Variants in GALNTL6 observed in about 807,000 individuals in gnomAD.
GALNTL6 encodes polypeptide N-acetylgalactosaminyltransferase-like 6.
In GALNTL6, 46 loss-of-function variants were observed where a neutral mutation model predicts 73.7. The observed-to-expected ratio is 0.62, with a 90% CI of 0.49 to 0.80. GALNTL6 has a LOEUF of 0.80. GALNTL6 is among the 30% of genes least tolerant of loss of function. GALNTL6 has a pLI of 0.00. For synonymous variants in GALNTL6, 259 were observed against 263.7 expected (o/e 0.98, Z 0.17); for missense variants, 604 against 755.0 (o/e 0.80, Z 2.34).
At chr4:172,051,907 A>G (rs1046123622) in intron 2 of GALNTL6, among the ~76,000 whole-genome samples, 26 of 152,108 alleles carry the variant, frequency 1.7e-4, no homozygotes, top group African/African-American at 5.6e-4. Flanking sequence ...CTTTGGGCCA[A>G]AGGGTGTATA....
chr4:172,185,935 A>G (rs1033307529), intron 2 of GALNTL6, among the ~76,000 whole-genome samples: 1 of 152,206 alleles, frequency 6.6e-6, no homozygotes, highest in Admixed American at 6.5e-5. Flanking sequence ...AAAAATTGCA[A>G]TTTCTCAGAA....
intron 5 of GALNTL6, among the ~76,000 whole-genome samples, chr4:172,475,471 G>A (rs893126376): frequency 3.9e-5 from 6 of 152,024 alleles, no homozygotes; most frequent in African/African-American, 1.4e-4. Context: ...GAGTGGACAG[G>A]TGCAGTATTA....
At chr4:172,795,155 G>C (rs1166759073) in intron 5 of GALNTL6, among the ~76,000 whole-genome samples, 1 of 152,164 alleles carries the variant, frequency 6.6e-6, no homozygotes, top group South Asian at 2.1e-4. Context: ...AGGAGAGAGA[G>C]ATTGCAACAC....
At chr4:172,782,607 C>A (rs2110901557) in intron 5 of GALNTL6, among the ~76,000 whole-genome samples, 1 of 152,210 alleles carries the variant, frequency 6.6e-6, no homozygotes, top group South Asian at 2.1e-4. Context: ...CAACCCCCAC[C>A]AATTTCCTTT....
At chr4:172,279,003 T>C (rs1010273676) in intron 3 of GALNTL6, among the ~76,000 whole-genome samples, 1 of 152,034 alleles carries the variant, frequency 6.6e-6, no homozygotes, top group East Asian at 1.9e-4. Flanking sequence ...TTTGGGAAAA[T>C]TGGATATCCA....
chr4:171,982,299 G>GT (rs869028257), intron 2 of GALNTL6, among the ~76,000 whole-genome samples: 44 of 42,082 alleles, frequency 1.0e-3, no homozygotes, highest in Admixed American at 2.6e-3. Flanking sequence ...TTGTTTGTTT[G>GT]TTGTTTGTTT....
At position 172,338,330 on chromosome 4, in the gene GALNTL6, A is replaced by AT. The variant is rs918286922; in HGVS notation, c.387-10182dup. Among the ~76,000 whole-genome samples the AT allele has an allele frequency of 5.3e-4, 78 of 147,760 alleles. 1 individual carries two copies. The East Asian group carries it at 6.1e-3, about 12-fold the overall frequency. ...CCTTTCATGCTGTCACAATGTTCAG[A>AT]TTTTTTTTTTTCTGGTGCCCAAAAT... is the stretch of plus-strand genomic sequence containing the variant. On this transcript the variant is annotated intron_variant, in intron 4 of 12. Coordinates refer to ENST00000506823, the MANE Select transcript of GALNTL6 (RefSeq NM_001034845.3).
intron 5 of GALNTL6, among the ~76,000 whole-genome samples, chr4:172,499,696 G>A (rs1280444387): frequency 6.6e-6 from 1 of 152,112 alleles, no homozygotes; most frequent in East Asian, 1.9e-4. Flanking sequence ...TCACCTAACA[G>A]TAAAGAGTTC....
At chr4:172,432,454 C>T (rs140638778) in intron 5 of GALNTL6, among the ~76,000 whole-genome samples, 10 of 152,052 alleles carry the variant, frequency 6.6e-5, no homozygotes, top group Middle Eastern at 3.4e-3. Context: ...AATTACATCA[C>T]GCAAACCCTC....
chr4:171,814,378 C>T, intron 1 of GALNTL6, 34 bp from the exon 2 acceptor site: 1 of 600,328 alleles, frequency 1.7e-6, no homozygotes, highest in Non-Finnish European at 2.9e-6. Context: ...TCATAGTTTT[C>T]TGGGGGGAAA....
intron 2 of GALNTL6, among the ~76,000 whole-genome samples, chr4:172,128,297 C>T (rs1021650470): frequency 2.6e-5 from 4 of 152,028 alleles, no homozygotes; most frequent in African/African-American, 9.7e-5. Context: ...TTATCTAAAC[C>T]AACCTGTATA....
At chr4:171,989,859 G>T (rs370098728) in intron 2 of GALNTL6, among the ~76,000 whole-genome samples, 16 of 152,306 alleles carry the variant, frequency 1.1e-4, no homozygotes, top group African/African-American at 3.4e-4. Flanking sequence ...ACTGGGCTGG[G>T]TTTTTCATAT....
intron 5 of GALNTL6, among the ~76,000 whole-genome samples, chr4:172,358,920 T>C (rs917851796): frequency 1.1e-4 from 16 of 147,408 alleles, no homozygotes; most frequent in African/African-American, 3.8e-4. Context: ...AGAGCACTTA[T>C]ACACTATTGG....
rs888356080 is a variant in GALNTL6, at chr4:172,311,810, A to G, written c.386+58A>G. ...TTTTTTTGGTTTTTTTTGTCCTTTG[A>G]TTTTTTTTTAAATGTGTATCACTGC... On this transcript the variant is annotated intron_variant, in intron 4 of 12. Transcript: ENST00000506823. 4 of 1,253,650 alleles carry G rather than the reference A, an allele frequency of 3.2e-6. No individual in the cohort carries two copies. The African/African-American group carries it at 6.1e-5, about 19-fold the overall frequency. The allele number at this position is 1,253,650 out of a possible 1,614,324, so 77.7% of individuals were successfully genotyped here. A position where few individuals can be genotyped will look rare whatever the true frequency, so the allele number is the denominator to read the frequency against.
intron 5 of GALNTL6, among the ~76,000 whole-genome samples, chr4:172,627,187 A>G (rs969099088): frequency 6.6e-6 from 1 of 152,038 alleles, no homozygotes; most frequent in African/African-American, 2.4e-5. Flanking sequence ...TAGTTTGGTG[A>G]AGGTTTTTAT....
intron 2 of GALNTL6, among the ~76,000 whole-genome samples, chr4:172,126,307 T>G (rs1335060382): frequency 6.6e-6 from 1 of 152,188 alleles, no homozygotes; most frequent in Non-Finnish European, 1.5e-5. Flanking sequence ...TATCACTTAA[T>G]TTAAAATAAC....
chr4:172,290,404 TTA>T (rs1739424476), intron 3 of GALNTL6, among the ~76,000 whole-genome samples: 1 of 152,124 alleles, frequency 6.6e-6, no homozygotes, highest in Non-Finnish European at 1.5e-5. Flanking sequence ...TAAATCTAGT[TTA>T]TGTCTGTTTT....
Position 171,947,160 on chromosome 4 carries a change from G to A in GALNTL6, c.138+132442G>A, listed in dbSNP as rs536963698. On this transcript the variant is annotated intron_variant, in intron 2 of 12. Transcript: ENST00000506823. ...ATTCTTATCCATTATCTCTCTTTCC[G>A]CATGTATTTAAATTGTGCTCCTTCC... is the stretch of plus-strand genomic sequence containing the variant. 8.4e-4 allele frequency among the ~76,000 whole-genome samples: 127 copies of A among 151,760 alleles called. 3 individuals are homozygous for A. Among genetic ancestry groups the A allele is most frequent in the Non-Finnish European group, 1.6e-3 (106 of 67,952 alleles).
At chr4:172,483,962 T>A (rs1733583420) in intron 5 of GALNTL6, among the ~76,000 whole-genome samples, 1 of 151,978 alleles carries the variant, frequency 6.6e-6, no homozygotes, top group Non-Finnish European at 1.5e-5. Flanking sequence ...GGAATATGAG[T>A]TTAGAGCTCA....
Sources: gnomAD v4.1 joint callset for allele counts (sites outside exome capture counted in the v4.1 genomes callset) on GRCh38, gnomAD v4.1.1 for gene constraint, MANE v1.5 for transcripts, NCBI Gene and HGNC (gene_info 2026-07-23, HGNC 2026-07-21) for gene names.